Variants in CCSER1 observed in about 807,000 individuals in gnomAD.
CCSER1 encodes the protein serine-rich coiled-coil domain-containing protein 1.
Under a neutral mutation model 82.0 loss-of-function variants are expected in CCSER1, and 41 were observed. That is an observed-to-expected ratio of 0.50 (90% CI 0.39 to 0.65). The LOEUF (loss-of-function observed/expected upper bound fraction) is 0.65. Ranked by LOEUF, CCSER1 falls within the 30% of genes least tolerant of loss-of-function variation. CCSER1 has a pLI of 0.00. For missense variants in CCSER1, 1,119 were observed against 1,064.2 expected (o/e 1.05, Z -0.72); for synonymous variants, 414 against 383.9 (o/e 1.08, Z -0.92).
At chr4:90,201,151 C>A (rs1050925102) in intron 1 of CCSER1, among the ~76,000 whole-genome samples, 1 of 152,154 alleles carries the variant, frequency 6.6e-6, no homozygotes, top group African/African-American at 2.4e-5. Flanking sequence ...TTTGGCTGTT[C>A]CTTACCATTC....
intron 7 of CCSER1, among the ~76,000 whole-genome samples, chr4:90,736,556 C>T (rs1271859394): frequency 6.6e-6 from 1 of 151,912 alleles, no homozygotes; most frequent in Non-Finnish European, 1.5e-5. Context: ...CAAGGAATAT[C>T]TTTTTCCATC....
At chr4:91,281,832 T>C (rs1170138606) in intron 10 of CCSER1, among the ~76,000 whole-genome samples, 1 of 152,080 alleles carries the variant, frequency 6.6e-6, no homozygotes, top group African/African-American at 2.4e-5. Flanking sequence ...GTTATAGGAA[T>C]GCATTGTAGT....
At chr4:90,569,832 C>A (rs963202845) in intron 5 of CCSER1, among the ~76,000 whole-genome samples, 1 of 152,176 alleles carries the variant, frequency 6.6e-6, no homozygotes, top group East Asian at 1.9e-4. Flanking sequence ...TCTGATCCAT[C>A]CACCCCCTTG....
chr4:90,907,147 C>T (rs140626271), intron 8 of CCSER1, among the ~76,000 whole-genome samples: 1 of 152,214 alleles, frequency 6.6e-6, no homozygotes, highest in Non-Finnish European at 1.5e-5. Context: ...GGGCAAGAGC[C>T]TATAAACTTA....
rs550321191 is a variant in CCSER1 at position 91,255,082 on chromosome 4, A to C, written c.2217+169088A>C. 8.0e-4 allele frequency among the ~76,000 whole-genome samples: 122 copies of C among 152,278 alleles called. 2 individuals carry two copies. Among genetic ancestry groups the C allele is most frequent in the African/African-American group, 2.8e-3 (116 of 41,550 alleles). The stretch of plus-strand genomic sequence containing the variant: ...ACACTGTCAAGCAGAAAGATAAAAT[A>C]GTCTGTAATATTAATGTTGATGTTA... On this transcript the variant is annotated intron_variant, in intron 10 of 10. Transcript: ENST00000509176.
intron 9 of CCSER1, among the ~76,000 whole-genome samples, chr4:91,019,601 C>A (rs1352616768): frequency 1.3e-5 from 2 of 152,062 alleles, no homozygotes; most frequent in Non-Finnish European, 2.9e-5. Flanking sequence ...TGCACACTCC[C>A]AGCTTTTCTT....
chr4:90,477,986 C>T (rs1578679187), intron 5 of CCSER1, among the ~76,000 whole-genome samples: 2 of 152,148 alleles, frequency 1.3e-5, no homozygotes, highest in East Asian at 3.9e-4. Flanking sequence ...AAAGAAAGAT[C>T]TGAAAACTTG....
At chr4:91,379,997 G>C (rs541443385) in intron 10 of CCSER1, among the ~76,000 whole-genome samples, 3 of 152,044 alleles carry the variant, frequency 2.0e-5, no homozygotes, top group Admixed American at 1.3e-4. Flanking sequence ...CCTTCATTTC[G>C]TTATGTACCC....
intron 10 of CCSER1, among the ~76,000 whole-genome samples, chr4:91,403,295 G>A (rs959140797): frequency 2.1e-4 from 32 of 152,258 alleles, no homozygotes; most frequent in Non-Finnish European, 2.8e-4. Context: ...GAGATTTTGG[G>A]CTGAGATGAT....
intron 10 of CCSER1, among the ~76,000 whole-genome samples, chr4:91,508,836 G>A (rs1284437049): frequency 1.3e-5 from 2 of 151,450 alleles, no homozygotes; most frequent in African/African-American, 4.8e-5. Context: ...TATCTTTTGG[G>A]GAGTTTGTCC....
At chr4:91,391,609 T>C (rs114156257) in intron 10 of CCSER1, among the ~76,000 whole-genome samples, 284 of 152,266 alleles carry the variant, frequency 1.9e-3, no homozygotes, top group Admixed American at 3.1e-3. Flanking sequence ...CCTCATCCAT[T>C]TGTTACCTAG....
intron 10 of CCSER1, among the ~76,000 whole-genome samples, chr4:91,505,935 T>G (rs1326548704): frequency 6.6e-6 from 1 of 152,198 alleles, no homozygotes; most frequent in Non-Finnish European, 1.5e-5. Flanking sequence ...CAGAAGCTCT[T>G]TAATTAGATC....
chr4:91,346,458 T>TA (rs1280773901), intron 10 of CCSER1, among the ~76,000 whole-genome samples: 1 of 152,222 alleles, frequency 6.6e-6, no homozygotes, highest in Non-Finnish European at 1.5e-5. Context: ...TGTGCAGGTT[T>TA]TGATGTGGGC....
chr4:91,596,261 G>A (rs1764572554), intron 10 of CCSER1, among the ~76,000 whole-genome samples: 1 of 151,920 alleles, frequency 6.6e-6, no homozygotes, highest in African/African-American at 2.4e-5. Flanking sequence ...AGAAAACAAT[G>A]AATATTCCCT....
Position 90,337,524 on chromosome 4 carries a change from T to C in CCSER1, c.1509+24477T>C, listed in dbSNP as rs1579259681. Among the ~76,000 whole-genome samples, 4 of 152,282 alleles carry C rather than the reference T, an allele frequency of 2.6e-5. No individual in the cohort carries two copies. The East Asian group carries it at 7.7e-4, about 29-fold the overall frequency. On this transcript the variant is annotated intron_variant, in intron 3 of 10. Coordinates refer to ENST00000509176, the MANE Select transcript of CCSER1 (RefSeq NM_001145065.2). ...CTGTCTTCACAAAAATCCCTTAAAG[T>C]TAGACATTATTATTTTTCACATACT...
chr4:91,572,167 CTT>C, intron 10 of CCSER1, among the ~76,000 whole-genome samples: 1 of 152,140 alleles, frequency 6.6e-6, no homozygotes, highest in Middle Eastern at 3.4e-3. Flanking sequence ...AATCTGGCCA[CTT>C]TTTTGTAGGA....
intron 5 of CCSER1, among the ~76,000 whole-genome samples, chr4:90,481,988 A>G (rs1000557463): frequency 1.1e-4 from 17 of 152,152 alleles, no homozygotes; most frequent in Non-Finnish European, 2.2e-4. Flanking sequence ...TCGGCTGTGA[A>G]TCCATCTGGT....
chr4:91,363,901 A>G (rs1749434314), intron 10 of CCSER1, among the ~76,000 whole-genome samples: 2 of 151,766 alleles, frequency 1.3e-5, no homozygotes, highest in Admixed American at 1.3e-4. Flanking sequence ...GTGCTGTCAC[A>G]AATGAGACTC....
intron 5 of CCSER1, among the ~76,000 whole-genome samples, chr4:90,496,560 G>A (rs1578805769): frequency 6.6e-6 from 1 of 152,192 alleles, no homozygotes; most frequent in South Asian, 2.1e-4. Flanking sequence ...GGAGTCTTCA[G>A]GTTAACATTG....
Sources: gnomAD v4.1 joint callset for allele counts (sites outside exome capture counted in the v4.1 genomes callset) on GRCh38, gnomAD v4.1.1 for gene constraint, MANE v1.5 for transcripts, NCBI Gene and HGNC (gene_info 2026-07-23, HGNC 2026-07-21) for gene names.